Variants in SYNPR observed in about 807,000 individuals in gnomAD.
The protein encoded by SYNPR is synaptoporin.
SYNPR carries 23 observed loss-of-function variants against 32.9 expected under a neutral mutation model. The ratio of observed to expected loss-of-function variants is 0.70; its 90% CI spans 0.50 to 0.99. SYNPR has a LOEUF of 0.99. Ranked by LOEUF, SYNPR falls within the 50% of genes least tolerant of loss-of-function variation. SYNPR has a pLI of 0.00. For missense variants in SYNPR, 318 were observed against 349.3 expected (o/e 0.91, Z 0.71); for synonymous variants, 146 against 135.9 (o/e 1.07, Z -0.52).
At chr3:63,251,745 C>A (rs1416427256) in intron 1 of SYNPR, among the ~76,000 whole-genome samples, 4 of 151,906 alleles carry the variant, frequency 2.6e-5, no homozygotes, top group African/African-American at 9.7e-5. Context: ...GGACAATACA[C>A]ACCTCTGCAT....
intron 2 of SYNPR, among the ~76,000 whole-genome samples, chr3:63,336,764 T>C (rs1418340183): frequency 6.6e-6 from 1 of 151,982 alleles, no homozygotes; most frequent in East Asian, 1.9e-4. Context: ...TTCATTAAAA[T>C]TAAAAACTTC....
intron 2 of SYNPR, among the ~76,000 whole-genome samples, chr3:63,455,756 G>GGTGTGTGTGTGTGTGTGT (rs370244005): frequency 0.018 from 2,606 of 144,332 alleles, 60 homozygotes; most frequent in African/African-American, 0.05. Flanking sequence ...TCATGTTTGG[G>GGTGTGTGTGTGTGTGTGT]GTGTGTGTGT....
chr3:63,308,082 C>A (rs563866869), intron 2 of SYNPR, among the ~76,000 whole-genome samples: 31 of 152,082 alleles, frequency 2.0e-4, no homozygotes, highest in Non-Finnish European at 5.9e-5. Flanking sequence ...GAATTAAATA[C>A]AAGAAATACT....
At chr3:63,284,530 T>G (rs1337669613) in intron 2 of SYNPR, among the ~76,000 whole-genome samples, 2 of 152,186 alleles carry the variant, frequency 1.3e-5, no homozygotes, top group Non-Finnish European at 1.5e-5. Flanking sequence ...CTTTCCAGCC[T>G]ACCTCCCTGC....
intron 2 of SYNPR, among the ~76,000 whole-genome samples, chr3:63,374,614 C>A (rs1338089426): frequency 3.3e-5 from 5 of 152,268 alleles, no homozygotes; most frequent in Non-Finnish European, 7.4e-5. Flanking sequence ...TTTAAATAAT[C>A]CAAATTCTAT....
chr3:63,539,880 T>G (rs1178636501), intron 3 of SYNPR, among the ~76,000 whole-genome samples: 1 of 152,132 alleles, frequency 6.6e-6, no homozygotes, highest in Non-Finnish European at 1.5e-5. Flanking sequence ...GGCTGGGCCA[T>G]CTACCCACTG....
At chr3:63,488,537 C>T (rs572671270) in intron 3 of SYNPR, among the ~76,000 whole-genome samples, 1 of 152,242 alleles carries the variant, frequency 6.6e-6, no homozygotes, top group South Asian at 2.1e-4. Context: ...GGGCCCATAA[C>T]CTTATTGGGC....
the SYNPR span, among the ~76,000 whole-genome samples, chr3:63,218,113 A>G: frequency 4.5e-4 from 69 of 152,296 alleles, no homozygotes; most frequent in Non-Finnish European, 6.8e-4. Flanking sequence ...AGCCTGAGTA[A>G]CAGAGCAAGA....
At chr3:63,424,530 A>C (rs572494763) in intron 2 of SYNPR, among the ~76,000 whole-genome samples, 1 of 152,328 alleles carries the variant, frequency 6.6e-6, no homozygotes, top group East Asian at 1.9e-4. Context: ...GCTCAATAAC[A>C]ATTACTTATT....
At chr3:63,599,708 A>T (rs1700010398) in intron 4 of SYNPR, among the ~76,000 whole-genome samples, 1 of 152,202 alleles carries the variant, frequency 6.6e-6, no homozygotes, top group Non-Finnish European at 1.5e-5. Context: ...CAGTATAAAA[A>T]TTCTAGGCTC....
chr3:63,323,759 T>C (rs929082240), intron 2 of SYNPR, among the ~76,000 whole-genome samples: 1 of 152,092 alleles, frequency 6.6e-6, no homozygotes, highest in African/African-American at 2.4e-5. Flanking sequence ...AAAGAGAGTA[T>C]ATTAAAATAA....
At chr3:63,352,230 G>A (rs1385994220) in intron 2 of SYNPR, among the ~76,000 whole-genome samples, 1 of 152,078 alleles carries the variant, frequency 6.6e-6, no homozygotes, top group Non-Finnish European at 1.5e-5. Flanking sequence ...GCAAGGAGCT[G>A]TTCTTTTTTT....
intron 2 of SYNPR, among the ~76,000 whole-genome samples, chr3:63,431,699 GT>G (rs1699997624): frequency 6.6e-6 from 1 of 151,496 alleles, no homozygotes; most frequent in African/African-American, 2.4e-5. Flanking sequence ...AGTGTGAACT[GT>G]TACACGAATC....
At chr3:63,435,800 G>A (rs1700073077) in intron 2 of SYNPR, among the ~76,000 whole-genome samples, 1 of 152,134 alleles carries the variant, frequency 6.6e-6, no homozygotes, top group African/African-American at 2.4e-5. Context: ...TTTGAACATT[G>A]AAAGTCTAGG....
rs138986078 is a variant in SYNPR, at chr3:63,575,711, T to G, written c.408+18970T>G. On this transcript the variant is annotated intron_variant, in intron 4 of 5. Transcript: ENST00000478300. ...CTGGACCTCATGTTTTCTCAGTGGATAGAAAGAGTTGCCTTCACCAGGAGC... is the reference window on the plus strand; with the variant it reads ...CTGGACCTCATGTTTTCTCAGTGGAGAGAAAGAGTTGCCTTCACCAGGAGC... 3.0e-3 allele frequency among the ~76,000 whole-genome samples: 456 copies of G among 152,252 alleles called. 4 individuals are homozygous for G. Among genetic ancestry groups the G allele is most frequent in the African/African-American group, 0.011 (442 of 41,552 alleles).
At chr3:63,474,338 T>C (rs1165533104) in intron 2 of SYNPR, among the ~76,000 whole-genome samples, 1 of 152,168 alleles carries the variant, frequency 6.6e-6, no homozygotes, top group Non-Finnish European at 1.5e-5. Context: ...AGGAAGGAAG[T>C]CTTTGGTGTG....
At chr3:63,346,710 A>G (rs1374377119) in intron 2 of SYNPR, among the ~76,000 whole-genome samples, 2 of 152,108 alleles carry the variant, frequency 1.3e-5, no homozygotes, top group Admixed American at 6.5e-5. Flanking sequence ...TGACCTCGTG[A>G]TCCACCCACC....
intron 3 of SYNPR, among the ~76,000 whole-genome samples, chr3:63,502,933 C>G (rs1026961347): frequency 6.6e-6 from 1 of 152,134 alleles, no homozygotes; most frequent in Non-Finnish European, 1.5e-5. Context: ...CTACTATAAA[C>G]ATCTCTATGC....
Position 63,607,814 on chromosome 3 carries a change from T to A in SYNPR, c.409-1311T>A, listed in dbSNP as rs200896246. 1.1e-4 allele frequency among the ~76,000 whole-genome samples: 17 copies of A among 152,238 alleles called. 1 individual carries two copies. The East Asian group carries it at 3.3e-3, about 30-fold the overall frequency. On this transcript the variant is annotated intron_variant, in intron 4 of 5. Coordinates refer to ENST00000478300, the MANE Select transcript of SYNPR (RefSeq NM_001130003.2). ...CTAACAAATGTCTGGCACCACAGCA[T>A]CTATAGAGTGTAAAAGTTCCCTCAG...
Sources: allele counts gnomAD v4.1 joint callset (sites outside exome capture counted in the v4.1 genomes callset), GRCh38; gene constraint gnomAD v4.1.1; transcripts MANE v1.5; gene names NCBI Gene and HGNC (gene_info 2026-07-23, HGNC 2026-07-21).